Variants in MEIS2 observed in about 807,000 individuals in gnomAD.
The protein encoded by MEIS2 is homeobox protein Meis2.
MEIS2 carries 9 observed loss-of-function variants against 58.6 expected under a neutral mutation model. The observed-to-expected ratio is 0.15, with a 90% CI of 0.09 to 0.27. MEIS2 has a LOEUF of 0.27. Ranked by LOEUF, MEIS2 falls within the 10% of genes least tolerant of loss-of-function variation. MEIS2 has a pLI of 1.00. For synonymous variants in MEIS2, 221 were observed against 228.4 expected, an observed-to-expected ratio of 0.97 and a Z score of 0.29; for missense variants, 427 against 635.0, an observed-to-expected ratio of 0.67 and a Z score of 3.52.
intron 9 of MEIS2, among the ~76,000 whole-genome samples, chr15:36,907,328 C>A (rs1347356954): frequency 6.6e-6 from 1 of 152,030 alleles, no homozygotes; most frequent in African/African-American, 2.4e-5. Flanking sequence ...AGCACTTCAC[C>A]CAAAATGGTG....
At chr15:37,007,664 CAGCTTCCCATCA>C (rs1316769554) in intron 8 of MEIS2, among the ~76,000 whole-genome samples, 1 of 152,208 alleles carries the variant, frequency 6.6e-6, no homozygotes, top group African/African-American at 2.4e-5. Flanking sequence ...CTAACTAACA[CAGCTTCCCATCA>C]CCTTTTTGTG....
chr15:37,072,505 T>C (rs919641993), intron 7 of MEIS2, among the ~76,000 whole-genome samples: 13 of 152,272 alleles, frequency 8.5e-5, no homozygotes, highest in South Asian at 6.2e-4. Context: ...CTCTTTTTTT[T>C]CACCATGCAT....
At chr15:36,954,279 T>C (rs548214960) in intron 8 of MEIS2, among the ~76,000 whole-genome samples, 45 of 151,668 alleles carry the variant, frequency 3.0e-4, no homozygotes, top group African/African-American at 1.1e-3. Context: ...ATAAATAAAA[T>C]ATACACATAT....
chr15:36,895,382 TG>T, intron 10 of MEIS2, 121 bp from the exon 11 acceptor site: 1 of 772,044 alleles, frequency 1.3e-6, no homozygotes, highest in South Asian at 1.7e-5. Context: ...ACTCTACAAA[TG>T]GGGGTGTGGT....
At chr15:37,043,174 A>G (rs2062504476) in intron 7 of MEIS2, among the ~76,000 whole-genome samples, 1 of 152,206 alleles carries the variant, frequency 6.6e-6, no homozygotes, top group Non-Finnish European at 1.5e-5. Context: ...TACATTATTT[A>G]ATTCTCATTT....
chr15:37,020,485 C>A (rs2061488887), intron 8 of MEIS2, among the ~76,000 whole-genome samples: 1 of 152,112 alleles, frequency 6.6e-6, no homozygotes, highest in Non-Finnish European at 1.5e-5. Flanking sequence ...TTTAGCCAAC[C>A]GAATAGTCCT....
intron 9 of MEIS2, among the ~76,000 whole-genome samples, chr15:36,949,794 C>T (rs1192242165): frequency 1.3e-5 from 2 of 151,916 alleles, no homozygotes; most frequent in Non-Finnish European, 2.9e-5. Context: ...TACACCAGCA[C>T]GGGAGTAATC....
At chr15:37,078,753 G>A (rs148350082) in intron 7 of MEIS2, among the ~76,000 whole-genome samples, 10 of 151,922 alleles carry the variant, frequency 6.6e-5, no homozygotes, top group Admixed American at 1.3e-4. Flanking sequence ...AGCAGGGAAC[G>A]TGGCTGGTTT....
At chr15:37,031,943 A>G (rs2061945958) in intron 8 of MEIS2, among the ~76,000 whole-genome samples, 1 of 150,540 alleles carries the variant, frequency 6.6e-6, no homozygotes, top group Non-Finnish European at 1.5e-5. Flanking sequence ...GGCTCAAATG[A>G]TCTTCCCACC....
At chr15:37,036,082 G>A (rs1595979210) in intron 8 of MEIS2, among the ~76,000 whole-genome samples, 1 of 152,250 alleles carries the variant, frequency 6.6e-6, no homozygotes, top group Non-Finnish European at 1.5e-5. Flanking sequence ...TTTGTCATAA[G>A]AGTCTTAGAG....
chr15:37,073,352 G>A (rs1436439805), intron 7 of MEIS2, among the ~76,000 whole-genome samples: 2 of 151,920 alleles, frequency 1.3e-5, no homozygotes, highest in East Asian at 3.9e-4. Flanking sequence ...TACCTGCCAT[G>A]TGTAAGAGTT....
At chr15:36,971,536 T>C (rs1369477386) in intron 8 of MEIS2, among the ~76,000 whole-genome samples, 3 of 65,436 alleles carry the variant, frequency 4.6e-5, no homozygotes, top group African/African-American at 2.7e-4. Context: ...CCTTGTTACA[T>C]TAAAAAAAAA....
intron 8 of MEIS2, among the ~76,000 whole-genome samples, chr15:36,957,493 T>C (rs1421666151): frequency 6.6e-6 from 1 of 152,164 alleles, no homozygotes; most frequent in Non-Finnish European, 1.5e-5. Flanking sequence ...TTCTGGCATG[T>C]CCAAGCCCTA....
intron 8 of MEIS2, among the ~76,000 whole-genome samples, chr15:36,980,690 C>T (rs910865344): frequency 2.0e-5 from 3 of 152,166 alleles, no homozygotes; most frequent in African/African-American, 4.8e-5. Context: ...TTATATCCTA[C>T]TAATTTTGTT....
At chr15:36,918,585 C>T (rs1476704589) in intron 9 of MEIS2, among the ~76,000 whole-genome samples, 1 of 152,126 alleles carries the variant, frequency 6.6e-6, no homozygotes, top group Non-Finnish European at 1.5e-5. Context: ...TGGAGTTTAG[C>T]GGTAAAGCAA....
intron 1 of MEIS2, 31 bp from the exon 2 acceptor site, chr15:37,098,230 C>A: frequency 1.3e-6 from 2 of 1,511,832 alleles, no homozygotes; most frequent in South Asian, 1.3e-5. Flanking sequence ...GGAGGGGGCG[C>A]AGGAGGTGAG....
chr15:37,084,730 C>T (rs568282892), intron 6 of MEIS2, among the ~76,000 whole-genome samples: 9 of 152,256 alleles, frequency 5.9e-5, no homozygotes, highest in Non-Finnish European at 1.3e-4. Flanking sequence ...TCTGTTCCTC[C>T]TCCCTTTTCC....
chr15:37,020,845 G>A (rs1384720553), intron 8 of MEIS2, among the ~76,000 whole-genome samples: 1 of 151,626 alleles, frequency 6.6e-6, no homozygotes, highest in Non-Finnish European at 1.5e-5. Flanking sequence ...CTAAAATATT[G>A]TTAAGCTAAA....
At chr15:36,991,031 G>T (rs111643441) in intron 8 of MEIS2, among the ~76,000 whole-genome samples, 7 of 152,230 alleles carry the variant, frequency 4.6e-5, no homozygotes, top group African/African-American at 1.7e-4. Flanking sequence ...CCTCATGAAA[G>T]CTCTGAGCTT....
Sources: allele counts gnomAD v4.1 joint callset (sites outside exome capture counted in the v4.1 genomes callset), GRCh38; gene constraint gnomAD v4.1.1; transcripts MANE v1.5; gene names NCBI Gene and HGNC (gene_info 2026-07-23, HGNC 2026-07-21).